The following ASTN1 variants were observed in gnomAD, a reference collection of about 807,000 sequenced individuals.
The protein encoded by ASTN1 is astrotactin-1.
A neutral mutation model predicts 140.7 loss-of-function variants in ASTN1; 41 were observed. The observed-to-expected ratio is 0.29, with a 90% confidence interval of 0.23 to 0.38. ASTN1 has a LOEUF of 0.38. ASTN1 is among the 10% of genes least tolerant of loss of function. ASTN1 has a pLI of 1.00. For synonymous variants in ASTN1, 640 were observed against 652.2 expected (o/e 0.98, Z 0.29); for missense variants, 1,479 against 1,678.8 (o/e 0.88, Z 2.08).
At chr1:176,974,869 G>C (rs1482086208) in intron 8 of ASTN1, among the ~76,000 whole-genome samples, 2 of 152,134 alleles carry the variant, frequency 1.3e-5, no homozygotes, top group African/African-American at 4.8e-5. Flanking sequence ...TGAACTTTTT[G>C]TCATCACACT....
intron 1 of ASTN1, among the ~76,000 whole-genome samples, chr1:177,110,456 A>T (rs1680768637): frequency 6.6e-6 from 1 of 152,216 alleles, no homozygotes; most frequent in Non-Finnish European, 1.5e-5. Flanking sequence ...GAGTATCAAA[A>T]ATAATGCCTG....
rs1294088498 is a variant in ASTN1, at chr1:176,894,553, G to A, written c.2940+9C>T. 3 of 1,613,176 alleles carry A rather than the reference G, an allele frequency of 1.9e-6. No homozygotes were observed. The highest frequency in any genetic ancestry group is 1.7e-4 in the Middle Eastern group (1 of 5,896). ...CGCCTCCCAGAGCCAAGAGTCCCAG[G>A]CCTCTTACCCTCTGGGTCTGGTTGT... On this transcript the variant is annotated intron_variant, in intron 17 of 22. Coordinates refer to ENST00000361833, the MANE Select transcript of ASTN1 (RefSeq NM_004319.3).
intron 9 of ASTN1, among the ~76,000 whole-genome samples, chr1:176,964,488 G>T (rs548685876): frequency 1.4e-4 from 22 of 152,300 alleles, no homozygotes; most frequent in East Asian, 5.8e-4. Flanking sequence ...TTTCAGCTAA[G>T]GCCTAATATG....
intron 8 of ASTN1, among the ~76,000 whole-genome samples, chr1:177,013,219 A>G (rs550723829): frequency 5.3e-5 from 8 of 152,144 alleles, no homozygotes; most frequent in Non-Finnish European, 1.2e-4. Flanking sequence ...ATTCTGCCAA[A>G]ACTGAGCAAT....
intron 5 of ASTN1, 77 bp downstream of exon 5, chr1:177,029,557 C>T: frequency 6.8e-7 from 1 of 1,461,002 alleles, no homozygotes; most frequent in Admixed American, 1.8e-5. Flanking sequence ...ACAACCCAAC[C>T]CAACACCTCT....
At chr1:177,058,956 G>A (rs1677943602) in intron 2 of ASTN1, among the ~76,000 whole-genome samples, 1 of 152,074 alleles carries the variant, frequency 6.6e-6, no homozygotes, top group African/African-American at 2.4e-5. Flanking sequence ...GCTTCAGGCT[G>A]TTTATCTTTC....
At chr1:177,099,484 C>A (rs1353528052) in intron 1 of ASTN1, among the ~76,000 whole-genome samples, 2 of 152,040 alleles carry the variant, frequency 1.3e-5, no homozygotes, top group East Asian at 1.9e-4. Context: ...CACAGGCATT[C>A]ATTGACTGTG....
intron 1 of ASTN1, among the ~76,000 whole-genome samples, chr1:177,095,177 A>G (rs567043072): frequency 3.0e-4 from 45 of 152,280 alleles, no homozygotes; most frequent in African/African-American, 1.1e-3. Flanking sequence ...AGAAGTGAGA[A>G]CTGACTTAAA....
At chr1:176,921,328 C>A (rs529369452) in intron 16 of ASTN1, among the ~76,000 whole-genome samples, 1 of 152,052 alleles carries the variant, frequency 6.6e-6, no homozygotes, top group Admixed American at 6.5e-5. Context: ...AAACTAGAAA[C>A]GGAAAGAAAA....
chr1:177,113,795 T>C (rs1386811100), intron 1 of ASTN1, among the ~76,000 whole-genome samples: 2 of 152,220 alleles, frequency 1.3e-5, no homozygotes, highest in African/African-American at 4.8e-5. Context: ...AGAGAAGCTC[T>C]ACCTAATCTT....
At chr1:177,082,753 T>A (rs1679239826) in intron 1 of ASTN1, among the ~76,000 whole-genome samples, 1 of 152,154 alleles carries the variant, frequency 6.6e-6, no homozygotes, top group Admixed American at 6.6e-5. Context: ...CCTGTAATAC[T>A]CTCCTTCCCT....
At chr1:176,995,922 A>G (rs1260309349) in intron 8 of ASTN1, among the ~76,000 whole-genome samples, 2 of 152,116 alleles carry the variant, frequency 1.3e-5, no homozygotes, top group African/African-American at 4.8e-5. Context: ...TGTTGCAGTG[A>G]TGAAGAGGAG....
intron 22 of ASTN1, among the ~76,000 whole-genome samples, chr1:176,864,857 T>C (rs1668078402): frequency 6.6e-6 from 1 of 152,210 alleles, no homozygotes; most frequent in Non-Finnish European, 1.5e-5. Flanking sequence ...CAAGTTTCTT[T>C]AAAGCTAGTC....
intron 1 of ASTN1, among the ~76,000 whole-genome samples, chr1:177,063,788 C>T (rs776955780): frequency 2.0e-5 from 3 of 152,144 alleles, no homozygotes; most frequent in African/African-American, 4.8e-5. Flanking sequence ...TGTCTCCTAA[C>T]CCTGGACATA....
chr1:177,129,979 G>GA (rs564461564), intron 1 of ASTN1, among the ~76,000 whole-genome samples: 7 of 151,962 alleles, frequency 4.6e-5, no homozygotes, highest in African/African-American at 1.4e-4. Flanking sequence ...AAATAAAAAA[G>GA]AAAAAAGAAT....
At chr1:176,922,127 C>T (rs1670752467) in intron 16 of ASTN1, among the ~76,000 whole-genome samples, 1 of 152,114 alleles carries the variant, frequency 6.6e-6, no homozygotes, top group African/African-American at 2.4e-5. Context: ...TTCTCTAAAG[C>T]AGGATTGTTC....
intron 1 of ASTN1, among the ~76,000 whole-genome samples, chr1:177,117,481 G>A (rs903306071): frequency 2.0e-5 from 3 of 152,100 alleles, no homozygotes; most frequent in Non-Finnish European, 4.4e-5. Context: ...AGCTCTTGGG[G>A]TATATAAGTT....
chr1:177,145,778 G>T (rs1682693419), intron 1 of ASTN1, among the ~76,000 whole-genome samples: 1 of 152,184 alleles, frequency 6.6e-6, no homozygotes, highest in Non-Finnish European at 1.5e-5. Context: ...TATTCTGTGG[G>T]AATGTTGTAA....
At chr1:176,972,581 C>T (rs1673185106) in intron 8 of ASTN1, among the ~76,000 whole-genome samples, 1 of 151,992 alleles carries the variant, frequency 6.6e-6, no homozygotes, top group Admixed American at 6.6e-5. Context: ...TCACTGTAGC[C>T]TCTAATTCCT....
Sources: allele counts gnomAD v4.1 joint callset (sites outside exome capture counted in the v4.1 genomes callset), GRCh38; gene constraint gnomAD v4.1.1; transcripts MANE v1.5; gene names NCBI Gene and HGNC (gene_info 2026-07-23, HGNC 2026-07-21).